The following PPP2R2C variants were observed in gnomAD, a reference collection of about 807,000 sequenced individuals.
The protein encoded by PPP2R2C is protein phosphatase 2 regulatory subunit Bgamma.
Under a neutral mutation model 45.3 loss-of-function variants are expected in PPP2R2C, and 10 were observed. The ratio of observed to expected loss-of-function variants is 0.22; its 90% CI spans 0.14 to 0.37. PPP2R2C has a LOEUF of 0.37. PPP2R2C is among the 10% of genes least tolerant of loss of function. The pLI, the probability that PPP2R2C is intolerant of heterozygous loss-of-function variation, is 1.00. For missense variants in PPP2R2C, 308 were observed against 619.7 expected (o/e 0.50, Z 5.34); for synonymous variants, 257 against 245.4 (o/e 1.05, Z -0.44).
chr4:6,562,270 C>T (rs1725601083), intron 1 of PPP2R2C, among the ~76,000 whole-genome samples: 1 of 152,190 alleles, frequency 6.6e-6, no homozygotes, highest in Admixed American at 6.5e-5. Context: ...CCTGCCACAG[C>T]CCGTCCCCTC....
chr4:6,479,358 A>G (rs1722270784), intron 2 of PPP2R2C, among the ~76,000 whole-genome samples: 1 of 152,212 alleles, frequency 6.6e-6, no homozygotes, highest in Admixed American at 6.5e-5. Flanking sequence ...AGGCTGGGCA[A>G]ATAGTGCCGC....
chr4:6,430,282 C>T (rs1719545233), intron 1 of PPP2R2C, among the ~76,000 whole-genome samples: 1 of 152,126 alleles, frequency 6.6e-6, no homozygotes, highest in Non-Finnish European at 1.5e-5. Flanking sequence ...CATGATTTTC[C>T]AGGAGGAAGC....
At chr4:6,488,471 C>G (rs1186681027) in intron 2 of PPP2R2C, among the ~76,000 whole-genome samples, 1 of 152,030 alleles carries the variant, frequency 6.6e-6, no homozygotes, top group South Asian at 2.1e-4. Context: ...ATCACTTGAG[C>G]CCAGGAGTTC....
At chr4:6,402,968 G>A (rs1017865537) in intron 1 of PPP2R2C, among the ~76,000 whole-genome samples, 1 of 152,192 alleles carries the variant, frequency 6.6e-6, no homozygotes, top group South Asian at 2.1e-4. Flanking sequence ...ATGCAGCAGA[G>A]GGAGTGCTAG....
At chr4:6,544,057 T>C (rs78262908) in intron 1 of PPP2R2C, among the ~76,000 whole-genome samples, 5,705 of 152,152 alleles carry the variant, frequency 0.037, 317 homozygotes, top group African/African-American at 0.12. Context: ...CAGTGTCCCC[T>C]ACCCCAACCA....
chr4:6,511,490 T>A, intron 2 of PPP2R2C, among the ~76,000 whole-genome samples: 1 of 109,814 alleles, frequency 9.1e-6, no homozygotes, highest in Middle Eastern at 5.0e-3. Flanking sequence ...GCGGTGTTGG[T>A]GGTGATGGCG....
intron 6 of PPP2R2C, among the ~76,000 whole-genome samples, chr4:6,342,736 C>T (rs1270776498): frequency 6.6e-6 from 1 of 152,224 alleles, no homozygotes; most frequent in African/African-American, 2.4e-5. Flanking sequence ...TACCCTGTCA[C>T]ACTGCCAAGC....
chr4:6,508,776 G>A (rs1486995280), intron 2 of PPP2R2C, among the ~76,000 whole-genome samples: 1 of 152,060 alleles, frequency 6.6e-6, no homozygotes, highest in African/African-American at 2.4e-5. Flanking sequence ...ATGAGCACAC[G>A]CACAACTTCA....
intron 2 of PPP2R2C, among the ~76,000 whole-genome samples, chr4:6,525,137 G>A (rs1296136311): frequency 6.6e-6 from 1 of 152,080 alleles, no homozygotes; most frequent in African/African-American, 2.4e-5. Context: ...GGGCGTGGTG[G>A]CACACACCTG....
intron 2 of PPP2R2C, among the ~76,000 whole-genome samples, chr4:6,510,470 T>C (rs73207899): frequency 0.077 from 11,778 of 152,304 alleles, 487 homozygotes; most frequent in Non-Finnish European, 0.097. Context: ...TTTTAACTTC[T>C]TCATGGTGCT....
At chr4:6,474,020 A>G (rs1722045969), upstream of PPP2R2C, among the ~76,000 whole-genome samples, 1 of 152,204 alleles carries the variant, frequency 6.6e-6, no homozygotes, top group Non-Finnish European at 1.5e-5. Flanking sequence ...ACTGTGGAAC[A>G]AGCCAAAATC....
intron 2 of PPP2R2C, among the ~76,000 whole-genome samples, chr4:6,522,748 C>T (rs1454733236): frequency 6.6e-6 from 1 of 152,258 alleles, no homozygotes; most frequent in Admixed American, 6.5e-5. Context: ...TGCCCTGGGG[C>T]CCTTCTCCTT....
chr4:6,381,115 C>T lies in PPP2R2C; in HGVS notation c.71-21G>A, dbSNP rs867700745. Reference sequence around the variant, plus strand: ...GTCAGCTGGGAGGGGAACAGCAAGACGGGAAGGGGTGGCTGTCAGAACCCG... The same window carrying T: ...GTCAGCTGGGAGGGGAACAGCAAGATGGGAAGGGGTGGCTGTCAGAACCCG... On this transcript the variant is annotated intron_variant, in intron 1 of 8. Coordinates refer to ENST00000382599, the MANE Select transcript of PPP2R2C (RefSeq NM_020416.4). The T allele has an allele frequency of 1.2e-5, 18 of 1,559,578 alleles. No individual in the cohort carries two copies. In the East Asian group the frequency reaches 1.2e-4, roughly 10 times the overall value.
chr4:6,445,774 G>A (rs1222964547), intron 1 of PPP2R2C, among the ~76,000 whole-genome samples: 1 of 144,352 alleles, frequency 6.9e-6, no homozygotes, highest in African/African-American at 2.6e-5. Context: ...TAATGCAAGT[G>A]ACCCAAGAGG....
At chr4:6,409,173 T>A (rs1717994838) in intron 1 of PPP2R2C, among the ~76,000 whole-genome samples, 1 of 152,200 alleles carries the variant, frequency 6.6e-6, no homozygotes, top group South Asian at 2.1e-4. Flanking sequence ...ACAGGAACTA[T>A]ACAACCAAAT....
At position 6,390,339 on chromosome 4, in the gene PPP2R2C, C is replaced by A. The variant is rs143639385; in HGVS notation, c.71-9245G>T. On this transcript the variant is annotated intron_variant, in intron 1 of 8. Transcript: ENST00000382599. ...AAGGACTCTGCAGGAGACAGCTCTA[C>A]AGGAAACTTCCAGACTGCCCTGTGA... Among the ~76,000 whole-genome samples the A allele has an allele frequency of 5.4e-3, 818 of 152,288 alleles. 1 individual carries two copies. Among genetic ancestry groups the A allele is most frequent in the Middle Eastern group, 0.01 (3 of 294 alleles).
At chr4:6,506,730 T>C (rs4352545) in intron 2 of PPP2R2C, among the ~76,000 whole-genome samples, 147,122 of 152,296 alleles carry the variant, frequency 0.97, 71,279 homozygotes, top group East Asian at 1. Flanking sequence ...GAGCTGTTCC[T>C]TCTTGGTGTT....
intron 2 of PPP2R2C, among the ~76,000 whole-genome samples, chr4:6,489,761 T>C (rs1417226193): frequency 6.6e-6 from 1 of 152,166 alleles, no homozygotes; most frequent in African/African-American, 2.4e-5. Context: ...GAGCCGAGTC[T>C]TGTGGGGATT....
At chr4:6,552,021 T>C (rs535992662) in intron 1 of PPP2R2C, among the ~76,000 whole-genome samples, 8 of 152,144 alleles carry the variant, frequency 5.3e-5, no homozygotes, top group Non-Finnish European at 1.0e-4. Context: ...TGAGTGAAGA[T>C]GAGACAAGTG....
Sources: gnomAD v4.1 joint callset for allele counts (sites outside exome capture counted in the v4.1 genomes callset) on GRCh38, gnomAD v4.1.1 for gene constraint, MANE v1.5 for transcripts, NCBI Gene and HGNC (gene_info 2026-07-23, HGNC 2026-07-21) for gene names.